The following MORC1 variants were observed in gnomAD, a reference collection of about 807,000 sequenced individuals.
MORC1 encodes MORC family CW-type zinc finger 1, also known as MORC family CW-type zinc finger protein 1.
A neutral mutation model predicts 134.9 loss-of-function variants in MORC1; 59 were observed. The observed-to-expected ratio is 0.44, with a 90% CI of 0.35 to 0.54. The LOEUF (loss-of-function observed/expected upper bound fraction) is 0.54, where lower values mean the gene tolerates loss of function less well. Among genes scored for constraint, MORC1 ranks in the 20% least tolerant of loss-of-function variants. The pLI, the probability that MORC1 is intolerant of heterozygous loss-of-function variation, is 0.00. For missense variants in MORC1, 947 were observed against 1,134.5 expected, an observed-to-expected ratio of 0.83 and a Z score of 2.37; for synonymous variants, 395 against 391.7, an observed-to-expected ratio of 1.01 and a Z score of -0.10.
chr3:109,072,970 C>T (rs148152358), intron 8 of MORC1, among the ~76,000 whole-genome samples: 5 of 89,044 alleles, frequency 5.6e-5, no homozygotes, highest in Admixed American at 4.3e-4. Flanking sequence ...CACACATACA[C>T]ACACACACAC....
At chr3:109,100,150 G>A (rs1950898973) in intron 5 of MORC1, among the ~76,000 whole-genome samples, 2 of 152,050 alleles carry the variant, frequency 1.3e-5, no homozygotes, top group Admixed American at 6.6e-5. Flanking sequence ...GGCTGAGGCA[G>A]GAGAATCACT....
chr3:109,003,391 GCA>G (rs3054383), intron 20 of MORC1, among the ~76,000 whole-genome samples: 20,795 of 146,570 alleles, frequency 0.14, 1,632 homozygotes, highest in Middle Eastern at 0.22. Flanking sequence ...ATATGTGTAT[GCA>G]CACACACACA....
At chr3:108,990,898 T>TTCTC (rs34333221) in intron 21 of MORC1, among the ~76,000 whole-genome samples, 115 of 145,756 alleles carry the variant, frequency 7.9e-4, no homozygotes, top group East Asian at 3.9e-3. Context: ...GTTTCTCTCT[T>TTCTC]TCTCTCTCTC....
intron 8 of MORC1, among the ~76,000 whole-genome samples, chr3:109,091,584 A>T (rs1348172623): frequency 6.6e-6 from 1 of 152,096 alleles, no homozygotes; most frequent in Non-Finnish European, 1.5e-5. Context: ...TTACAGAAAA[A>T]AACTACAGAG....
chr3:109,000,595 T>C lies in MORC1; in HGVS notation c.2149A>G (p.Thr717Ala). 6.2e-7 allele frequency: 1 copy of C among 1,611,612 alleles called. No homozygotes were observed. The highest frequency in any genetic ancestry group is 8.5e-7 in the Non-Finnish European group (1 of 1,179,036). ...GAATCACTCGTGTTCTCATCTTCAGTCAATACCTTACATTCCTCTACAAAG... is the reference window on the plus strand; with the variant it reads ...GAATCACTCGTGTTCTCATCTTCAGCCAATACCTTACATTCCTCTACAAAG... ...LNFVEECKVL[T>A]EDENTSDSDI... is the part of the protein sequence containing the mutation. The change falls in exon 21 of 28, where the codon ACT (threonine) becomes GCT (alanine). Residue 717 changes from threonine to alanine, a missense_variant. Around this residue, in one of 3 missense-constraint regions of MORC1, gnomAD observed 722 missense variants for 817.0 expected, o/e 0.88. Coordinates refer to ENST00000232603, the MANE Select transcript of MORC1 (RefSeq NM_014429.4).
intron 17 of MORC1, among the ~76,000 whole-genome samples, chr3:109,009,229 CAG>C (rs1324936334): frequency 8.0e-6 from 1 of 124,748 alleles, no homozygotes; most frequent in African/African-American, 3.0e-5. Context: ...TTTTTTGAGA[CAG>C]AGTCTTGCTC....
chr3:108,996,283 C>T (rs924370971), intron 21 of MORC1, among the ~76,000 whole-genome samples: 2 of 113,120 alleles, frequency 1.8e-5, no homozygotes, highest in Non-Finnish European at 4.2e-5. Flanking sequence ...CGTGCGCGCG[C>T]GCGCACACAC....
At chr3:109,105,120 C>T (rs562401364) in intron 3 of MORC1, among the ~76,000 whole-genome samples, 72 of 152,076 alleles carry the variant, frequency 4.7e-4, no homozygotes, top group Admixed American at 8.5e-4. Flanking sequence ...TGGTAGCTCA[C>T]GCCTGTAATC....
chr3:109,033,523 C>T (rs1949294852), intron 15 of MORC1, among the ~76,000 whole-genome samples: 1 of 152,084 alleles, frequency 6.6e-6, no homozygotes, highest in South Asian at 2.1e-4. Flanking sequence ...TCCTGAATTC[C>T]CTCCAGACAC....
chr3:108,968,843 G>C (rs1313478190), intron 26 of MORC1, among the ~76,000 whole-genome samples: 3 of 152,162 alleles, frequency 2.0e-5, no homozygotes, highest in Non-Finnish European at 4.4e-5. Context: ...TGGTGTCAAA[G>C]TTCTTGACTA....
intron 8 of MORC1, among the ~76,000 whole-genome samples, chr3:109,071,362 C>T (rs1950312180): frequency 6.6e-6 from 1 of 152,142 alleles, no homozygotes; most frequent in South Asian, 2.1e-4. Context: ...TACATGAACA[C>T]TAATACTTCT....
chr3:109,100,615 G>A, intron 4 of MORC1, 108 bp from the exon 5 acceptor site: 1 of 826,502 alleles, frequency 1.2e-6, no homozygotes, highest in South Asian at 1.4e-5. Flanking sequence ...CAAACCCATA[G>A]CTCTTGGGTC....
At chr3:109,030,617 A>C (rs1056915281) in intron 16 of MORC1, among the ~76,000 whole-genome samples, 5 of 152,264 alleles carry the variant, frequency 3.3e-5, no homozygotes, top group Non-Finnish European at 7.3e-5. Flanking sequence ...TCAAGGACTT[A>C]AGAAAATTAT....
At chr3:109,025,283 A>T (rs1949046616) in intron 17 of MORC1, among the ~76,000 whole-genome samples, 1 of 151,700 alleles carries the variant, frequency 6.6e-6, no homozygotes, top group Non-Finnish European at 1.5e-5. Context: ...CTCACCTGAA[A>T]TGCCCTATCC....
intron 14 of MORC1, among the ~76,000 whole-genome samples, chr3:109,040,436 G>GGAAGGAAGGAA (rs1949498409): frequency 9.6e-6 from 1 of 103,990 alleles, no homozygotes; most frequent in African/African-American, 3.8e-5. Context: ...AGGAAAGAAA[G>GGAAGGAAGGAA]AAAGAAAGAA....
intron 17 of MORC1, among the ~76,000 whole-genome samples, chr3:109,025,848 A>G (rs1007317959): frequency 1.6e-4 from 24 of 152,330 alleles, no homozygotes; most frequent in Admixed American, 1.3e-3. Context: ...AGACTGTATA[A>G]TATCTGACGG....
intron 17 of MORC1, among the ~76,000 whole-genome samples, chr3:109,023,830 C>T (rs1949014491): frequency 6.6e-6 from 1 of 152,154 alleles, no homozygotes; most frequent in Non-Finnish European, 1.5e-5. Flanking sequence ...TCCAGTGAAA[C>T]AATAGAAATA....
chr3:109,109,679 G>A (rs558772618), intron 3 of MORC1: 6 of 152,330 alleles, frequency 3.9e-5, no homozygotes, highest in East Asian at 3.9e-4. Context: ...CTTTTCCCCT[G>A]TGGAGGTTAG....
chr3:109,017,270 G>A (rs1007693884), intron 17 of MORC1, among the ~76,000 whole-genome samples: 6 of 152,164 alleles, frequency 3.9e-5, no homozygotes, highest in Non-Finnish European at 7.4e-5. Context: ...TAATCTAATG[G>A]AATTGAAGTG....
Sources: gnomAD v4.1 joint callset for allele counts (sites outside exome capture counted in the v4.1 genomes callset) on GRCh38, gnomAD v4.1.1 for gene constraint, gnomAD v4.1.1 regional missense constraint, MANE v1.5 for transcripts, NCBI Gene and HGNC (gene_info 2026-07-23, HGNC 2026-07-21) for gene names.